The following COL4A5 variants were observed in gnomAD, a reference collection of about 807,000 sequenced individuals.
COL4A5 encodes the protein collagen alpha-5(IV) chain.
In COL4A5, 26 loss-of-function variants were observed where a neutral mutation model predicts 130.2. That is an observed-to-expected ratio of 0.20 (90% CI 0.15 to 0.28). The LOEUF is 0.28. COL4A5 is among the 10% of genes least tolerant of loss of function. The pLI, the probability that COL4A5 is intolerant of heterozygous loss-of-function variation, is 1.00. For missense variants in COL4A5, 1,131 were observed against 1,344.3 expected (o/e 0.84, Z 2.48); for synonymous variants, 496 against 439.6 (o/e 1.13, Z -1.60).
At chrX:108,694,474 A>C in intron 50 of COL4A5, 1 of 256,623 alleles carries the variant, frequency 3.9e-6, no homozygotes, top group South Asian at 5.7e-5. Context: ...GTACTTTGAC[A>C]ACAAGTAGTA....
At chrX:108,592,121 A>G (rs1428026834) in intron 21 of COL4A5, among the ~76,000 whole-genome samples, 2 of 111,560 alleles carry the variant, frequency 1.8e-5, no homozygotes, top group African/African-American at 3.3e-5. Context: ...TTCCTCCCCT[A>G]TTCTTACCTT....
chrX:108,519,682 T>G (rs917879012), intron 1 of COL4A5, among the ~76,000 whole-genome samples: 2 of 111,364 alleles, frequency 1.8e-5, no homozygotes, highest in Non-Finnish European at 3.8e-5. Flanking sequence ...TTTCTTTTTA[T>G]CTTTTCCCTA....
chrX:108,508,302 A>G (rs1330840258), intron 1 of COL4A5, among the ~76,000 whole-genome samples: 1 of 110,934 alleles, frequency 9.0e-6, no homozygotes, highest in Non-Finnish European at 1.9e-5. Context: ...CACAAAAAGG[A>G]TGAAATACCT....
At chrX:108,551,594 A>G (rs1399555054) in intron 2 of COL4A5, among the ~76,000 whole-genome samples, 1 of 112,495 alleles carries the variant, frequency 8.9e-6, no homozygotes. Context: ...TAGTTCACCC[A>G]CTGTAGAAAT....
intron 1 of COL4A5, among the ~76,000 whole-genome samples, chrX:108,508,500 C>G (rs753145235): frequency 7.3e-4 from 72 of 98,150 alleles, no homozygotes; most frequent in Non-Finnish European, 5.4e-4. Context: ...TCCTATCAGA[C>G]TACCAGTGAC....
rs1011876718 is a variant in COL4A5 at position 108,687,502 on chromosome X, C to A, written c.4336C>A (p.Pro1446Thr). The change falls in exon 49 of 53, where the codon CCC becomes ACC. Residue 1446 changes from proline to threonine, a missense_variant. By Grantham distance (38) the Pro-to-Thr change is conservative. Coordinates refer to ENST00000328300, the MANE Select transcript of COL4A5 (RefSeq NM_033380.3). ...GQPGTRGLDG[P>T]PGPDGLQGPP... The stretch of plus-strand genomic sequence containing the variant: ...AATAGGTACCCGTGGTTTGGATGGT[C>A]CCCCTGGTCCAGATGGATTGCAAGG... 8.3e-7 allele frequency: 1 copy of A among 1,208,969 alleles called. No individual in the cohort carries two copies. The highest frequency in any genetic ancestry group is 2.2e-5 in the Admixed American group (1 of 45,705).
At chrX:108,690,688 AAG>A (rs1318833050) in intron 49 of COL4A5, among the ~76,000 whole-genome samples, 9 of 111,571 alleles carry the variant, frequency 8.1e-5, no homozygotes, top group Non-Finnish European at 1.3e-4. Flanking sequence ...CCCACTTTGT[AAG>A]AGTCATACTC....
intron 1 of COL4A5, among the ~76,000 whole-genome samples, chrX:108,503,832 A>G (rs1333531815): frequency 8.9e-6 from 1 of 112,097 alleles, no homozygotes; most frequent in Non-Finnish European, 1.9e-5. Context: ...AGCAATCTAC[A>G]GATTCAATGC....
Position 108,494,333 on chromosome X carries a change from A to G in COL4A5, c.82-45413A>G, listed in dbSNP as rs371858855. On this transcript the variant is annotated intron_variant, in intron 1 of 52. Transcript: ENST00000328300. ...TTTTATAAAAAGTATCCTAACGACA[A>G]ATGGATGATAGGAAGAGCAAAAGAG... 3.9e-4 allele frequency among the ~76,000 whole-genome samples: 44 copies of G among 111,677 alleles called. No homozygotes were observed. The South Asian group carries it at 0.016, about 42-fold the overall frequency.
intron 2 of COL4A5, among the ~76,000 whole-genome samples, chrX:108,542,235 T>A (rs916937309): frequency 4.5e-5 from 5 of 110,851 alleles, no homozygotes; most frequent in Non-Finnish European, 7.6e-5. Flanking sequence ...ATTAGGTATA[T>A]CTCCTAATGC....
chrX:108,459,752 G>T (rs1349742433), intron 1 of COL4A5, among the ~76,000 whole-genome samples: 2 of 111,810 alleles, frequency 1.8e-5, no homozygotes, highest in Non-Finnish European at 3.8e-5. Flanking sequence ...AAATCTTTAT[G>T]ATTAATTTTC....
intron 36 of COL4A5, chrX:108,626,938 C>T: frequency 1.3e-6 from 1 of 752,554 alleles, no homozygotes; most frequent in Non-Finnish European, 1.6e-6. Context: ...ACTCCTTAAT[C>T]ATGTAGTCAG....
chrX:108,607,470 C>A (rs1475235923), intron 29 of COL4A5, among the ~76,000 whole-genome samples: 1 of 106,122 alleles, frequency 9.4e-6, no homozygotes, highest in Non-Finnish European at 1.9e-5. Context: ...TTTTTATTCT[C>A]CTTTCTTCCC....
intron 1 of COL4A5, among the ~76,000 whole-genome samples, chrX:108,528,816 A>G (rs1008078984): frequency 5.3e-5 from 6 of 112,516 alleles, no homozygotes; most frequent in Non-Finnish European, 7.5e-5. Context: ...GTCATTTGGG[A>G]CAACATAAAT....
intron 1 of COL4A5, among the ~76,000 whole-genome samples, chrX:108,533,056 C>CAAA (rs2065406679): frequency 4.5e-5 from 5 of 111,426 alleles, no homozygotes; most frequent in African/African-American, 1.6e-4. Context: ...GTATATGAAA[C>CAAA]CAAAAAAGAG....
At chrX:108,551,837 A>C (rs1289507111) in intron 2 of COL4A5, among the ~76,000 whole-genome samples, 1 of 112,151 alleles carries the variant, frequency 8.9e-6, no homozygotes, top group Non-Finnish European at 1.9e-5. Context: ...TGGACTAAAG[A>C]AAATGTGCTA....
chrX:108,618,229 A>C (rs1198880196), intron 30 of COL4A5, among the ~76,000 whole-genome samples: 3 of 110,501 alleles, frequency 2.7e-5, no homozygotes, highest in African/African-American at 9.9e-5. Flanking sequence ...TGTATTCCTG[A>C]CAGTATTCAT....
chrX:108,593,277 A>T (rs1222987685), intron 21 of COL4A5, among the ~76,000 whole-genome samples: 2 of 111,398 alleles, frequency 1.8e-5, no homozygotes, highest in African/African-American at 6.5e-5. Context: ...GCGTTTGCCT[A>T]ATGACTTGAT....
chrX:108,643,690 A>G (rs1417010972), intron 36 of COL4A5, among the ~76,000 whole-genome samples: 1 of 112,216 alleles, frequency 8.9e-6, no homozygotes, highest in Non-Finnish European at 1.9e-5. Flanking sequence ...CTACCAAGCC[A>G]CCACAACAAG....
Sources: allele counts gnomAD v4.1 joint callset (sites outside exome capture counted in the v4.1 genomes callset), GRCh38; gene constraint gnomAD v4.1.1; transcripts MANE v1.5; gene names NCBI Gene and HGNC (gene_info 2026-07-23, HGNC 2026-07-21).